The following FAM163B variants were observed in gnomAD, a reference collection of about 807,000 sequenced individuals.
FAM163B encodes family with sequence similarity 163 member B.
FAM163B carries 4 observed loss-of-function variants against 7.6 expected under a neutral mutation model. The ratio of observed to expected loss-of-function variants is 0.52; its 90% CI spans 0.26 to 1.20. The LOEUF (loss-of-function observed/expected upper bound fraction) is 1.20, where lower values mean the gene tolerates loss of function less well. Among genes scored for constraint, FAM163B ranks in the 50% most tolerant of loss-of-function variants. The probability of loss-of-function intolerance (pLI) is 0.14; values close to 1 mark genes in which losing one functional copy is unlikely to be tolerated. For synonymous variants in FAM163B, 120 were observed against 111.6 expected (o/e 1.07, Z -0.47); for missense variants, 250 against 243.0 (o/e 1.03, Z -0.19).
intron 1 of FAM163B, chr9:133,585,845 C>T (rs928653487): frequency 1.3e-5 from 2 of 152,252 alleles, no homozygotes; most frequent in East Asian, 3.9e-4. Context: ...CAGAGCTGGA[C>T]CTGGAACCCA....
In FAM163B at chr9:133,577,490, G is replaced by A. The variant is rs1309334437; in HGVS notation, c.*1532C>T. ...TTGTGACTTCGTCAGCCGTTCCCCC[G>A]ACGCCTCTGGAAACTGGCCATTTCG... On this transcript the variant is annotated 3_prime_UTR_variant, in exon 3 of 3. Transcript: ENST00000673969. Among the ~76,000 whole-genome samples the A allele has an allele frequency of 3.3e-5, 5 of 152,372 alleles. No individual in the cohort carries two copies. Among genetic ancestry groups the A allele is most frequent in the East Asian group, 1.9e-4 (1 of 5,186 alleles).
At chr9:133,590,072 C>CG (rs1831518658) in intron 1 of FAM163B, among the ~76,000 whole-genome samples, 1 of 42,274 alleles carries the variant, frequency 2.4e-5, no homozygotes, top group Non-Finnish European at 5.0e-5. Flanking sequence ...CTTCCCCTTC[C>CG]CTTCCCCTTC....
At chr9:133,603,428 G>C (rs1277537923) in intron 1 of FAM163B, among the ~76,000 whole-genome samples, 2 of 152,192 alleles carry the variant, frequency 1.3e-5, no homozygotes, top group East Asian at 3.9e-4. Flanking sequence ...TGGAGACCAG[G>C]GGGTGAGAGG....
rs371856294 is a variant in FAM163B, at chr9:133,606,429, G to A, written c.-24+2648C>T. On this transcript the variant is annotated intron_variant, in intron 1 of 2. Coordinates refer to ENST00000673969, the MANE Select transcript of FAM163B (RefSeq NM_001080515.3). The surrounding 1 kb of genome is among the most constrained non-coding windows in gnomAD (Gnocchi z 4.0). ...AGAAGTACCAGTGCCAAGTGTGGCA[G>A]CAGCTGGCAGAGAAGCCCCCCAGCC... is the stretch of plus-strand genomic sequence containing the variant. Among the ~76,000 whole-genome samples, 15 of 152,352 alleles carry A rather than the reference G, an allele frequency of 9.8e-5. No homozygotes were observed. The highest frequency in any genetic ancestry group is 3.4e-4 in the African/African-American group (14 of 41,588).
intron 1 of FAM163B, among the ~76,000 whole-genome samples, chr9:133,588,099 AGCTGTGAG>A (rs1464514014): frequency 6.6e-6 from 1 of 152,136 alleles, no homozygotes; most frequent in Non-Finnish European, 1.5e-5. Context: ...CCGCACCCTG[AGCTGTGAG>A]GCTGGGCAGT....
At chr9:133,581,913 G>A (rs1481478402) in intron 1 of FAM163B, among the ~76,000 whole-genome samples, 3 of 152,186 alleles carry the variant, frequency 2.0e-5, no homozygotes, top group Admixed American at 1.3e-4. Context: ...CATCCTGTGC[G>A]TGACCTGGAT....
intron 1 of FAM163B, among the ~76,000 whole-genome samples, chr9:133,591,742 GC>G: frequency 6.6e-6 from 1 of 152,300 alleles, no homozygotes; most frequent in East Asian, 1.9e-4. Context: ...CCGAAGGATG[GC>G]CCCCAAAGCA....
In FAM163B at chr9:133,579,460, C is replaced by T. The variant is rs1221186099; in HGVS notation, c.94-31G>A. On this transcript the variant is annotated intron_variant, in intron 2 of 2. Coordinates refer to ENST00000673969, the MANE Select transcript of FAM163B (RefSeq NM_001080515.3). ...GGCAGAGGGACGGTGACCATGCGGCCGCCCGCTCCCACCCCAGAACCGACA... is the reference window on the plus strand; with the variant it reads ...GGCAGAGGGACGGTGACCATGCGGCTGCCCGCTCCCACCCCAGAACCGACA... The T allele has an allele frequency of 2.9e-5, 44 of 1,535,720 alleles. No individual in the cohort carries two copies. The Admixed American group carries it at 5.1e-4, about 18-fold the overall frequency.
At chr9:133,595,551 G>A (rs1831617577) in intron 1 of FAM163B, among the ~76,000 whole-genome samples, 2 of 152,140 alleles carry the variant, frequency 1.3e-5, no homozygotes, top group Admixed American at 6.5e-5. Flanking sequence ...GGGGCATTGT[G>A]CTCTCCCCGA....
At position 133,579,400 on chromosome 9, in the gene FAM163B, CTCCGACTCGTCCTTCTTGCA is replaced by C; in HGVS notation, c.103_122del (p.Cys35GlyfsTer184). 1 of 1,607,968 alleles carries C rather than the reference CTCCGACTCGTCCTTCTTGCA, an allele frequency of 6.2e-7. No homozygotes were observed. Among genetic ancestry groups the C allele is most frequent in the Non-Finnish European group, 8.5e-7 (1 of 1,177,840 alleles). ...CGAAGTCTGGTTCCTCCTCGTCCTCCTCCGACTCGTCCTTCTTGCAGCAGTAGTACTGCGGGCAGAGGGAC... is the reference window on the plus strand; with the variant it reads ...CGAAGTCTGGTTCCTCCTCGTCCTCCGCAGTAGTACTGCGGGCAGAGGGAC... On this transcript the variant is annotated frameshift_variant, in exon 3 of 3. Coordinates refer to ENST00000673969, the MANE Select transcript of FAM163B (RefSeq NM_001080515.3). LOFTEE classifies it high-confidence loss of function.
intron 1 of FAM163B, among the ~76,000 whole-genome samples, chr9:133,589,117 G>A (rs183760960): frequency 3.9e-5 from 6 of 152,276 alleles, no homozygotes; most frequent in South Asian, 2.1e-4. Flanking sequence ...GGGAAATCCC[G>A]TGAGCTGGGG....
chr9:133,582,216 C>A (rs1360146048), intron 1 of FAM163B, among the ~76,000 whole-genome samples: 5 of 152,200 alleles, frequency 3.3e-5, no homozygotes, highest in African/African-American at 1.2e-4. Context: ...GACCCTGCCC[C>A]CTTTGCAGGC....
In FAM163B at chr9:133,605,046, C is replaced by T. The variant is rs537512354; in HGVS notation, c.-24+4031G>A. On this transcript the variant is annotated intron_variant, in intron 1 of 2. Coordinates refer to ENST00000673969, the MANE Select transcript of FAM163B (RefSeq NM_001080515.3). ...GAGGTCAGGAGCCAAGGCTGCCCCA[C>T]GATGTGGGGTTTGCCTGCTTGCCAG... Among the ~76,000 whole-genome samples the T allele has an allele frequency of 6.0e-4, 92 of 152,302 alleles. 1 individual carries two copies. Among genetic ancestry groups the T allele is most frequent in the African/African-American group, 2.1e-3 (87 of 41,566 alleles).
intron 1 of FAM163B, among the ~76,000 whole-genome samples, chr9:133,590,305 CCCAGCTCCTGGTCCCAGTTCAGGG>C (rs1831532881): frequency 6.6e-6 from 1 of 151,040 alleles, no homozygotes; most frequent in African/African-American, 2.4e-5. Flanking sequence ...TCGAACTGAG[CCCAGCTCCTGGTCCCAGTTCAGGG>C]CCTGGAAGGC....
chr9:133,602,188 G>T (rs1198790464), intron 1 of FAM163B, among the ~76,000 whole-genome samples: 1 of 151,162 alleles, frequency 6.6e-6, no homozygotes. Flanking sequence ...AGTTCCATCT[G>T]CCACACTTCT....
intron 1 of FAM163B, among the ~76,000 whole-genome samples, chr9:133,590,110 CCCCTCCCCT>C (rs1831523656): frequency 4.2e-5 from 1 of 23,668 alleles, no homozygotes; most frequent in African/African-American, 1.3e-4. Context: ...CCCTTCCCTT[CCCCTCCCCT>C]TCCCCTCCCC....
chr9:133,591,973 G>A (rs575876744), intron 1 of FAM163B, among the ~76,000 whole-genome samples: 16 of 152,214 alleles, frequency 1.1e-4, no homozygotes, highest in Admixed American at 3.9e-4. Flanking sequence ...CTTTAAGATG[G>A]TGCCGGGCCT....
chr9:133,605,374 A>G (rs1455702907), intron 1 of FAM163B, among the ~76,000 whole-genome samples: 1 of 152,164 alleles, frequency 6.6e-6, no homozygotes, highest in Non-Finnish European at 1.5e-5. Flanking sequence ...CCACACTGCC[A>G]CCCTCAGTAG....
chr9:133,597,438 T>G (rs999375722), intron 1 of FAM163B, among the ~76,000 whole-genome samples: 3 of 151,800 alleles, frequency 2.0e-5, no homozygotes, highest in Non-Finnish European at 4.4e-5. Context: ...CAAAGTGAAA[T>G]AGAGAGAAAA....
Sources: gnomAD v4.1 joint callset for allele counts (sites outside exome capture counted in the v4.1 genomes callset) on GRCh38, gnomAD v4.1.1 for gene constraint, Gnocchi (gnomAD v3.1) non-coding constraint, MANE v1.5 for transcripts, NCBI Gene and HGNC (gene_info 2026-07-23, HGNC 2026-07-21) for gene names.